The following TMEM259 variants were observed in gnomAD, a reference collection of about 807,000 sequenced individuals.
TMEM259 encodes membralin.
Under a neutral mutation model 46.7 loss-of-function variants are expected in TMEM259, and 26 were observed. The observed-to-expected ratio is 0.56, with a 90% confidence interval of 0.41 to 0.77. The LOEUF (loss-of-function observed/expected upper bound fraction) is 0.77. Among genes scored for constraint, TMEM259 ranks in the 30% least tolerant of loss-of-function variants. The pLI is 0.00. For missense variants in TMEM259, 930 were observed against 900.5 expected (o/e 1.03, Z -0.42); for synonymous variants, 494 against 395.1 (o/e 1.25, Z -2.97).
At chr19:1,017,405 C>T (rs923337755) in intron 1 of TMEM259, 1 of 400,006 alleles carries the variant, frequency 2.5e-6, no homozygotes. Flanking sequence ...CCCCAGCAGG[C>T]ACCCACATGC....
intron 3 of TMEM259, 115 bp from the exon 4 acceptor site, chr19:1,012,688 C>T: frequency 7.1e-7 from 1 of 1,412,210 alleles, no homozygotes; most frequent in Non-Finnish European, 9.5e-7. Flanking sequence ...GCCCTGGGCC[C>T]CAGGTGGGTG....
At position 1,009,745 on chromosome 19, in the gene TMEM259, CGA is replaced by C. The variant is rs987743411; in HGVS notation, c.*603_*604del. On this transcript the variant is annotated 3_prime_UTR_variant, in exon 11 of 11. Transcript: ENST00000356663. ...ATGAGCGCTCCTCCGCATTCCTCCC[CGA>C]GTGACTGGTTTGGCCGCCGGCCCAC... 7.5e-5 allele frequency: 58 copies of C among 776,738 alleles called. No individual in the cohort carries two copies. In the African/African-American group the frequency reaches 8.6e-4, roughly 12 times the overall value. The allele number at this position is 776,738 out of a possible 1,614,324, so 48.1% of individuals were successfully genotyped here.
At position 1,010,415 on chromosome 19, in the gene TMEM259, C is replaced by A; in HGVS notation, c.1798G>T (p.Ala600Ser). 6.6e-7 allele frequency: 1 copy of A among 1,519,862 alleles called. No individual in the cohort carries two copies. The highest frequency in any genetic ancestry group is 2.4e-5 in the East Asian group (1 of 40,996). The allele number at this position is 1,519,862 out of a possible 1,614,324, so 94.1% of individuals were successfully genotyped here. Residue 600 changes from alanine to serine, a missense_variant, in exon 11 of 11, where the codon GCG becomes TCG. Ala to Ser is a moderately conservative substitution (Grantham distance 99, BLOSUM62 1). Transcript: ENST00000356663. The part of the protein sequence containing the change: ...AASDTTPLGA[A>S]VGGPSPASMA... ...GAGGCCGGGCTAGGCCCGCCTACCG[C>A]AGCCCCCAGGGGAGTTGTGTCAGAA...
Position 1,013,297 on chromosome 19 carries a change from C to G in TMEM259, c.551G>C (p.Ser184Thr). Residue 184 changes from serine (S) to threonine (T), a missense_variant, in exon 3 of 11, where the codon AGC (serine) becomes ACC (threonine). Transcript: ENST00000356663. ...CTGGCTGTCATTCAGGGCCTCTGTG[C>G]TACTCGGCGGCTTGAACACCTTGGG... ...IEPKVFKPPS[S>T]TEALNDSQEF... 6 of 1,613,858 alleles carry G rather than the reference C, an allele frequency of 3.7e-6. No homozygotes were observed. Among genetic ancestry groups the G allele is most frequent in the Non-Finnish European group, 5.1e-6 (6 of 1,179,822 alleles).
chr19:1,018,987 C>CAA (rs758741226), intron 1 of TMEM259, among the ~76,000 whole-genome samples: 2 of 115,938 alleles, frequency 1.7e-5, no homozygotes, highest in Non-Finnish European at 1.8e-5. Flanking sequence ...GACTCCATCT[C>CAA]AAAAAAAAAA....
At chr19:1,017,595 C>G (rs986181397) in intron 1 of TMEM259, among the ~76,000 whole-genome samples, 2 of 152,168 alleles carry the variant, frequency 1.3e-5, no homozygotes, top group Admixed American at 1.3e-4. Flanking sequence ...GCACCTCCCC[C>G]AGCCTGGGGC....
chr19:1,009,918 G>A lies in TMEM259; in HGVS notation c.*432C>T. The stretch of plus-strand genomic sequence containing the variant: ...CACACGCGGGGAGGGCGGGGCCATG[G>A]AGAAGGCACTGCAGGGAGCACCAGG... On this transcript the variant is annotated 3_prime_UTR_variant, in exon 11 of 11. Coordinates refer to ENST00000356663, the MANE Select transcript of TMEM259 (RefSeq NM_001033026.2). The A allele has an allele frequency of 2.9e-6, 1 of 340,368 alleles. No homozygotes were observed. The highest frequency in any genetic ancestry group is 5.3e-6 in the Non-Finnish European group (1 of 187,224). 21.1% of individuals were successfully genotyped at this position (340,368 alleles called of 1,614,324 possible). A position where few individuals can be genotyped will look rare whatever the true frequency, so the allele number is the denominator to read the frequency against.
intron 4 of TMEM259, 99 bp from the exon 5 acceptor site, chr19:1,012,287 G>T: frequency 6.6e-7 from 1 of 1,514,044 alleles, no homozygotes; most frequent in South Asian, 1.3e-5. Context: ...CTGCTTCCTG[G>T]CCCTGCCCAT....
chr19:1,011,808 G>A lies in TMEM259; in HGVS notation c.943-10C>T, dbSNP rs993140126. On this transcript the variant is annotated splice_polypyrimidine_tract_variant and intron_variant, in intron 6 of 10. Coordinates refer to ENST00000356663, the MANE Select transcript of TMEM259 (RefSeq NM_001033026.2). ...TGGACACGCTCAGCGTCTGCAAGGG[G>A]CGCGCAGGAAGCGCTATGAGGGGCT... The A allele has an allele frequency of 1.9e-6, 3 of 1,583,986 alleles. No individual in the cohort carries two copies. Among genetic ancestry groups the A allele is most frequent in the Middle Eastern group, 1.7e-4 (1 of 6,008 alleles).
intron 1 of TMEM259, among the ~76,000 whole-genome samples, chr19:1,018,690 G>A (rs2039188109): frequency 6.6e-6 from 1 of 152,046 alleles, no homozygotes; most frequent in South Asian, 2.1e-4. Flanking sequence ...ACAAAGAACA[G>A]ATTTCCCCAC....
chr19:1,011,207 G>A lies in TMEM259; in HGVS notation c.1218-12C>T. On this transcript the variant is annotated splice_polypyrimidine_tract_variant and intron_variant, in intron 9 of 10. Coordinates refer to ENST00000356663, the MANE Select transcript of TMEM259 (RefSeq NM_001033026.2). ...AGAGATAGAAGAACCTGCGGGGCGG[G>A]GTGAGGGCGTCGGGGCTGCAGGTCC... The A allele has an allele frequency of 1.9e-6, 3 of 1,581,184 alleles. No individual in the cohort carries two copies. Among genetic ancestry groups the A allele is most frequent in the South Asian group, 2.3e-5 (2 of 87,566 alleles).
In TMEM259 at chr19:1,020,486, C is replaced by CA. The variant is rs2144590679; in HGVS notation, c.225+285dup. Among the ~76,000 whole-genome samples, 1 of 151,976 alleles carries CA rather than the reference C, an allele frequency of 6.6e-6. No individual in the cohort carries two copies. The highest frequency in any genetic ancestry group is 1.9e-4 in the East Asian group (1 of 5,162). ...CAGGATGGGCCCTGGAGGGAGCTGA[C>CA]AGTGAGGTTTCCAGAGTAGAGAACA... On this transcript the variant is annotated intron_variant, in intron 1 of 10. Transcript: ENST00000356663. This position sits in a 1 kb window ranked among gnomAD's most constrained non-coding sequence, Gnocchi z 4.0.
At chr19:1,018,981 C>A (rs2039197912) in intron 1 of TMEM259, among the ~76,000 whole-genome samples, 1 of 130,410 alleles carries the variant, frequency 7.7e-6, no homozygotes, top group African/African-American at 3.2e-5. Flanking sequence ...GAGCAAGACT[C>A]CATCTCAAAA....
Position 1,011,565 on chromosome 19 carries a change from G to C in TMEM259, c.1084+15C>G. On this transcript the variant is annotated intron_variant, in intron 8 of 10. Transcript: ENST00000356663. ...GGTGCAGCGCGGGGCGGGGGAGGCC[G>C]GGTGGGGTCCTCACCGACGAGGGCC... 2.6e-6 allele frequency: 4 copies of C among 1,540,980 alleles called. No homozygotes were observed. The highest frequency in any genetic ancestry group is 1.4e-5 in the African/African-American group (1 of 72,974).
intron 1 of TMEM259, among the ~76,000 whole-genome samples, chr19:1,019,634 G>A (rs988519299): frequency 2.6e-5 from 4 of 152,182 alleles, no homozygotes; most frequent in Non-Finnish European, 5.9e-5. Context: ...CCAAGGTCCA[G>A]CTCCACTTGC....
chr19:1,011,682 G>A lies in TMEM259; in HGVS notation c.1001-19C>T, dbSNP rs1056997526. On this transcript the variant is annotated intron_variant, in intron 7 of 10. Transcript: ENST00000356663. ...AGGTCCACTGCGGGCACAGGGCGGCGGGCGCCCGGTGAGGGCCTGGAGGAC... is the reference window on the plus strand; with the variant it reads ...AGGTCCACTGCGGGCACAGGGCGGCAGGCGCCCGGTGAGGGCCTGGAGGAC... 20 of 1,538,228 alleles carry A rather than the reference G, an allele frequency of 1.3e-5. No individual in the cohort carries two copies. The Admixed American group carries it at 2.0e-4, about 16-fold the overall frequency.
Position 1,011,361 on chromosome 19 carries a change from G to A in TMEM259, c.1217+6C>T, listed in dbSNP as rs1024598068. The stretch of plus-strand genomic sequence containing the variant: ...CCACTCCACCCTGCCCCCGCGCCAC[G>A]CTCACCGCAGCCAATGCCGCTTGCT... On this transcript the variant is annotated splice_donor_region_variant and intron_variant, in intron 9 of 10. Coordinates refer to ENST00000356663, the MANE Select transcript of TMEM259 (RefSeq NM_001033026.2). The A allele has an allele frequency of 1.0e-5, 16 of 1,570,940 alleles. No homozygotes were observed. The highest frequency in any genetic ancestry group is 7.1e-5 in the East Asian group (3 of 42,346).
rs771533764 is a variant in TMEM259, at chr19:1,011,418, T to C, written c.1166A>G (p.Gln389Arg). The change falls in exon 9 of 11, where the codon CAG becomes CGG. Residue 389 changes from glutamine (Q) to arginine (R), a missense_variant. Physicochemically the swap from Gln to Arg is conservative, Grantham distance 43. Transcript: ENST00000356663. ...YIILIVWLAD[Q>R]YDAICCHTST... ...GGTGTGGCAGCAGATGGCGTCATAC[T>C]GGTCCGCGAGCCACACGATGAGGAT... 2.0e-5 allele frequency: 31 copies of C among 1,558,922 alleles called. No homozygotes were observed. Among genetic ancestry groups the C allele is most frequent in the Non-Finnish European group, 2.5e-5 (29 of 1,154,708 alleles).
chr19:1,010,927 C>T (rs2038891020), intron 10 of TMEM259, 32 bp from the exon 11 acceptor site: 23 of 1,572,474 alleles, frequency 1.5e-5, no homozygotes, highest in Non-Finnish European at 2.0e-5. Context: ...TCAGGACGGG[C>T]CCGCCCCTGC....
Sources: gnomAD v4.1 joint callset for allele counts (sites outside exome capture counted in the v4.1 genomes callset) on GRCh38, gnomAD v4.1.1 for gene constraint, Gnocchi (gnomAD v3.1) non-coding constraint, MANE v1.5 for transcripts, NCBI Gene and HGNC (gene_info 2026-07-23, HGNC 2026-07-21) for gene names.